GPR158: variants seen among roughly 807,000 people sequenced by gnomAD.
GPR158 encodes the protein G protein-coupled receptor 158, also known as metabotropic glycine receptor.
In GPR158, 30 loss-of-function variants were observed where a neutral mutation model predicts 78.2. That is an observed-to-expected ratio of 0.38 (90% CI 0.29 to 0.52). The LOEUF is 0.52. Among genes scored for constraint, GPR158 ranks in the 20% least tolerant of loss-of-function variants. The pLI, the probability that GPR158 is intolerant of heterozygous loss-of-function variation, is 0.83. For missense variants in GPR158, 1,463 were observed against 1,523.5 expected (o/e 0.96, Z 0.66); for synonymous variants, 581 against 591.1 (o/e 0.98, Z 0.25).
intron 6 of GPR158, among the ~76,000 whole-genome samples, chr10:25,565,777 C>T (rs1315590815): frequency 6.6e-6 from 1 of 152,100 alleles, no homozygotes; most frequent in African/African-American, 2.4e-5. Context: ...TGCCTAGCCA[C>T]GCCAAAGAAC....
intron 2 of GPR158, among the ~76,000 whole-genome samples, chr10:25,385,252 A>G (rs977443334): frequency 5.3e-5 from 8 of 152,192 alleles, no homozygotes; most frequent in African/African-American, 1.4e-4. Flanking sequence ...TTCACCTAGC[A>G]TAATGTCCTC....
intron 5 of GPR158, among the ~76,000 whole-genome samples, chr10:25,472,378 G>A (rs1459918071): frequency 1.3e-5 from 2 of 152,190 alleles, no homozygotes; most frequent in Non-Finnish European, 2.9e-5. Context: ...TTGTAGTATA[G>A]TTTGAAGTCA....
intron 7 of GPR158, among the ~76,000 whole-genome samples, chr10:25,585,934 G>T (rs10764564): frequency 6.6e-6 from 1 of 151,962 alleles, no homozygotes; most frequent in African/African-American, 2.4e-5. Flanking sequence ...TGCCACGATC[G>T]TGCCACAACA....
chr10:25,296,171 C>G (rs1352695734), intron 2 of GPR158, among the ~76,000 whole-genome samples: 1 of 152,044 alleles, frequency 6.6e-6, no homozygotes, highest in South Asian at 2.1e-4. Flanking sequence ...CACCTCGAGG[C>G]AAGGAAACTG....
chr10:25,323,528 ATT>A (rs3054021), intron 2 of GPR158, among the ~76,000 whole-genome samples: 1 of 144,056 alleles, frequency 6.9e-6, no homozygotes. Flanking sequence ...TCTTAGGTAG[ATT>A]TTTTTTTTTT....
chr10:25,388,406 A>G lies in GPR158; in HGVS notation c.1009-7505A>G, dbSNP rs139580409. The stretch of plus-strand genomic sequence containing the variant: ...CCAGGCAGAACCTGTTCCCAGGCCC[A>G]GAGCCTCTGCTGTGGCCTTAACCTT... On this transcript the variant is annotated intron_variant, in intron 2 of 10. Coordinates refer to ENST00000376351, the MANE Select transcript of GPR158 (RefSeq NM_020752.3). 3.2e-4 allele frequency among the ~76,000 whole-genome samples: 48 copies of G among 152,332 alleles called. No individual in the cohort carries two copies. The East Asian group carries it at 7.4e-3, about 23-fold the overall frequency.
intron 5 of GPR158, among the ~76,000 whole-genome samples, chr10:25,542,961 A>C (rs1048007883): frequency 6.6e-6 from 1 of 152,160 alleles, no homozygotes; most frequent in African/African-American, 2.4e-5. Flanking sequence ...GCAGACTTCA[A>C]AACATGCTAA....
intron 5 of GPR158, among the ~76,000 whole-genome samples, chr10:25,529,023 C>A (rs1242390995): frequency 1.3e-5 from 2 of 152,134 alleles, no homozygotes; most frequent in Non-Finnish European, 2.9e-5. Context: ...AAAGTAAAGT[C>A]TTTTCAACGA....
chr10:25,386,506 T>C (rs538204576), intron 2 of GPR158, among the ~76,000 whole-genome samples: 1 of 152,312 alleles, frequency 6.6e-6, no homozygotes, highest in East Asian at 1.9e-4. Flanking sequence ...ACATTCAATC[T>C]GTAGTTTTGC....
chr10:25,295,851 C>T (rs186033196), intron 2 of GPR158, among the ~76,000 whole-genome samples: 4 of 152,226 alleles, frequency 2.6e-5, no homozygotes, highest in Admixed American at 6.5e-5. Context: ...TTTCCCCATA[C>T]CTTTACAAAG....
chr10:25,514,189 C>A (rs1836128873), intron 5 of GPR158, among the ~76,000 whole-genome samples: 1 of 152,000 alleles, frequency 6.6e-6, no homozygotes. Flanking sequence ...GGAGCTCCAG[C>A]ATTAGGTGCA....
chr10:25,484,242 C>G (rs1425584744), intron 5 of GPR158, among the ~76,000 whole-genome samples: 1 of 152,180 alleles, frequency 6.6e-6, no homozygotes, highest in Non-Finnish European at 1.5e-5. Context: ...CTTCCTCTTC[C>G]TAGAGCACTC....
chr10:25,214,330 C>T (rs1853176996), intron 1 of GPR158, among the ~76,000 whole-genome samples: 4 of 152,066 alleles, frequency 2.6e-5, no homozygotes. Flanking sequence ...TTTAAAAAAA[C>T]TAGTTTTCTA....
chr10:25,484,491 G>A (rs1835706320), intron 5 of GPR158, among the ~76,000 whole-genome samples: 1 of 152,212 alleles, frequency 6.6e-6, no homozygotes, highest in South Asian at 2.1e-4. Flanking sequence ...CAATTTGGCA[G>A]TAGACTAAGA....
At chr10:25,500,122 T>C (rs1206710511) in intron 5 of GPR158, among the ~76,000 whole-genome samples, 1 of 152,138 alleles carries the variant, frequency 6.6e-6, no homozygotes. Flanking sequence ...TTCACTTACA[T>C]GTGAACTTTT....
chr10:25,535,749 G>A (rs923427093), intron 5 of GPR158, among the ~76,000 whole-genome samples: 3 of 152,232 alleles, frequency 2.0e-5, no homozygotes, highest in Middle Eastern at 6.8e-3. Flanking sequence ...ACTCTGCTTC[G>A]ACAAAGCTCA....
At chr10:25,482,421 A>T (rs949703676) in intron 5 of GPR158, among the ~76,000 whole-genome samples, 1 of 152,010 alleles carries the variant, frequency 6.6e-6, no homozygotes, top group Non-Finnish European at 1.5e-5. Flanking sequence ...GGCCTTATGT[A>T]ATCCTCTCAC....
At chr10:25,340,283 A>G (rs1437317429) in intron 2 of GPR158, among the ~76,000 whole-genome samples, 1 of 152,036 alleles carries the variant, frequency 6.6e-6, no homozygotes, top group East Asian at 1.9e-4. Context: ...AAGAGGGTTG[A>G]TTTGAAACAA....
intron 2 of GPR158, among the ~76,000 whole-genome samples, chr10:25,229,049 A>AG (rs546715218): frequency 3.9e-5 from 6 of 151,994 alleles, no homozygotes; most frequent in Admixed American, 3.9e-4. Context: ...AAAAAAAAAA[A>AG]AAGATGATTT....
Sources: allele counts gnomAD v4.1 joint callset (sites outside exome capture counted in the v4.1 genomes callset), GRCh38; gene constraint gnomAD v4.1.1; transcripts MANE v1.5; gene names NCBI Gene and HGNC (gene_info 2026-07-23, HGNC 2026-07-21).